Variants in STK33 observed in about 807,000 individuals in gnomAD.
STK33 encodes serine/threonine-protein kinase 33.
A neutral mutation model predicts 58.0 loss-of-function variants in STK33; 52 were observed. The ratio of observed to expected loss-of-function variants is 0.90; its 90% confidence interval spans 0.72 to 1.13. The LOEUF (loss-of-function observed/expected upper bound fraction) is 1.13, where lower values mean the gene tolerates loss of function less well. Ranked by LOEUF, STK33 falls within the 50% of genes most tolerant of loss-of-function variation. STK33 has a pLI of 0.00. For missense variants in STK33, 630 were observed against 604.2 expected (o/e 1.04, Z -0.45); for synonymous variants, 215 against 200.1 (o/e 1.07, Z -0.63).
At chr11:8,373,225 AC>A in the STK33 span, among the ~76,000 whole-genome samples, 4 of 151,676 alleles carry the variant, frequency 2.6e-5, no homozygotes, top group South Asian at 8.3e-4. Context: ...TAAGCTCAGA[AC>A]CCACATGTTT....
chr11:8,533,845 A>C (rs1954745159), intron 1 of STK33, among the ~76,000 whole-genome samples: 1 of 152,258 alleles, frequency 6.6e-6, no homozygotes. Flanking sequence ...AAAGGAAAGA[A>C]GGGCAGAATA....
rs1444167074 is a variant in STK33 at position 8,551,751 on chromosome 11, T to C, written c.-466+42332A>G. ...AACTATATTGCTGTCCCGTTATTGC[T>C]TCCTAATCTAGGAAAAACATAAATG... On this transcript the variant is annotated intron_variant, in intron 1 of 15. Transcript: ENST00000687296. 2.6e-5 allele frequency among the ~76,000 whole-genome samples: 4 copies of C among 152,324 alleles called. No homozygotes were observed. In the East Asian group the frequency reaches 7.7e-4, roughly 29 times the overall value.
At chr11:8,378,578 C>T in the STK33 span, among the ~76,000 whole-genome samples, 1 of 152,106 alleles carries the variant, frequency 6.6e-6, no homozygotes. Context: ...ACTCACTCAC[C>T]ATCACGAGAA....
At chr11:8,576,231 G>A (rs1958174408) in intron 1 of STK33, among the ~76,000 whole-genome samples, 1 of 152,180 alleles carries the variant, frequency 6.6e-6, no homozygotes, top group Non-Finnish European at 1.5e-5. Context: ...CTGCACCCAT[G>A]TCTGGGAAAT....
At chr11:8,454,691 C>T in intron 10 of STK33, 53 bp downstream of exon 10, 1 of 1,515,440 alleles carries the variant, frequency 6.6e-7, no homozygotes, top group Non-Finnish European at 8.9e-7. Flanking sequence ...TACTTTGCCA[C>T]TTTGCTATCA....
chr11:8,392,966 G>A (rs77012180), intron 15 of STK33, among the ~76,000 whole-genome samples: 2,050 of 152,360 alleles, frequency 0.013, 43 homozygotes, highest in African/African-American at 0.046. Context: ...CGTCCAAAAT[G>A]TAAGTAAATG....
chr11:8,518,660 T>C (rs573371243), intron 1 of STK33, among the ~76,000 whole-genome samples: 3 of 151,898 alleles, frequency 2.0e-5, no homozygotes, highest in African/African-American at 7.3e-5. Context: ...ACCAAGCAAG[T>C]GGAAAACAAA....
At chr11:8,494,366 A>G (rs1234750645) in intron 1 of STK33, among the ~76,000 whole-genome samples, 5 of 152,182 alleles carry the variant, frequency 3.3e-5, no homozygotes, top group African/African-American at 4.8e-5. Context: ...AGAATAAAAT[A>G]CCTAGGAATC....
Position 8,473,276 on chromosome 11 carries a change from G to GC in STK33, c.226-1dup (p.Pro76AlafsTer32). Reference sequence around the variant, plus strand: ...CTCTCTACATTTGAGGTTCTTGAGGGCTGGGACCAAAAAAAAAATTAAAAA... The same window carrying GC: ...CTCTCTACATTTGAGGTTCTTGAGGGCCTGGGACCAAAAAAAAAATTAAAAA... On this transcript the variant is annotated frameshift_variant and splice_region_variant. Coordinates refer to ENST00000687296, the MANE Select transcript of STK33 (RefSeq NM_001352389.2). LOFTEE classifies it high-confidence loss of function. 1 of 1,564,852 alleles carries GC rather than the reference G, an allele frequency of 6.4e-7. No individual in the cohort carries two copies. The highest frequency in any genetic ancestry group is 8.6e-7 in the Non-Finnish European group (1 of 1,156,858).
intron 1 of STK33, among the ~76,000 whole-genome samples, chr11:8,489,271 A>G (rs200328527): frequency 3.2e-5 from 2 of 62,354 alleles, no homozygotes; most frequent in Admixed American, 1.9e-4. Flanking sequence ...AAAAAAAAAA[A>G]GAAAAAAAAA....
intron 1 of STK33, among the ~76,000 whole-genome samples, chr11:8,534,272 T>C (rs763001928): frequency 1.8e-4 from 27 of 145,982 alleles, no homozygotes; most frequent in Non-Finnish European, 3.5e-4. Context: ...CAAGACTGCA[T>C]CTCAAAAAAA....
At chr11:8,579,400 C>A (rs113131951) in intron 1 of STK33, among the ~76,000 whole-genome samples, 13 of 152,086 alleles carry the variant, frequency 8.5e-5, no homozygotes, top group African/African-American at 2.9e-4. Context: ...TACTTTAGTT[C>A]AATTCCTAGA....
intron 1 of STK33, among the ~76,000 whole-genome samples, chr11:8,549,941 A>G (rs1039194731): frequency 1.3e-5 from 2 of 152,116 alleles, no homozygotes; most frequent in Non-Finnish European, 2.9e-5. Context: ...TGATTTTTTA[A>G]GTCAGCTTAT....
intron 1 of STK33, among the ~76,000 whole-genome samples, chr11:8,581,804 C>A (rs1446763918): frequency 6.6e-6 from 1 of 152,202 alleles, no homozygotes; most frequent in Non-Finnish European, 1.5e-5. Context: ...GAACTCTTAG[C>A]GGTTTGCATT....
chr11:8,478,550 C>T (rs1449225132), intron 2 of STK33, among the ~76,000 whole-genome samples: 2 of 152,024 alleles, frequency 1.3e-5, no homozygotes, highest in Admixed American at 6.6e-5. Context: ...ATAAAAAGGT[C>T]TTTTACATAT....
At chr11:8,479,317 C>T (rs1406149570) in intron 2 of STK33, among the ~76,000 whole-genome samples, 6 of 151,738 alleles carry the variant, frequency 4.0e-5, no homozygotes, top group Admixed American at 3.3e-4. Flanking sequence ...CCTGTAATCC[C>T]GGCTACTAGG....
At chr11:8,367,315 C>T in the STK33 span, among the ~76,000 whole-genome samples, 15 of 152,276 alleles carry the variant, frequency 9.9e-5, no homozygotes, top group African/African-American at 1.9e-4. Flanking sequence ...ATTGTGAGTG[C>T]GTGGGTATAC....
At chr11:8,541,562 CT>C (rs1196372297) in intron 1 of STK33, among the ~76,000 whole-genome samples, 3 of 152,160 alleles carry the variant, frequency 2.0e-5, no homozygotes, top group Admixed American at 6.5e-5. Flanking sequence ...TACTAAATAG[CT>C]TTTCCCCCAA....
intron 1 of STK33, among the ~76,000 whole-genome samples, chr11:8,505,440 C>A (rs1012452611): frequency 1.3e-5 from 2 of 152,186 alleles, no homozygotes; most frequent in Non-Finnish European, 2.9e-5. Context: ...TGTGCTGCCA[C>A]GTGTGCTATT....
Sources: gnomAD v4.1 joint callset for allele counts (sites outside exome capture counted in the v4.1 genomes callset) on GRCh38, gnomAD v4.1.1 for gene constraint, MANE v1.5 for transcripts, NCBI Gene and HGNC (gene_info 2026-07-23, HGNC 2026-07-21) for gene names.